The following SGMS2 variants were observed in gnomAD, a reference collection of about 807,000 sequenced individuals.
SGMS2 encodes the protein phosphatidylcholine:ceramide cholinephosphotransferase 2.
Under a neutral mutation model 43.8 loss-of-function variants are expected in SGMS2, and 21 were observed. That is an observed-to-expected ratio of 0.48 (90% CI 0.34 to 0.69). The LOEUF is 0.69. Among genes scored for constraint, SGMS2 ranks in the 30% least tolerant of loss-of-function variants. SGMS2 has a pLI of 0.01. For synonymous variants in SGMS2, 167 were observed against 160.6 expected (o/e 1.04, Z -0.30); for missense variants, 384 against 443.2 (o/e 0.87, Z 1.20).
At chr4:107,881,666 G>C (rs1729364368) in intron 2 of SGMS2, among the ~76,000 whole-genome samples, 2 of 152,070 alleles carry the variant, frequency 1.3e-5, no homozygotes, top group South Asian at 2.1e-4. Context: ...ATTGTTGACT[G>C]TAGTCACCCT....
intron 1 of SGMS2, among the ~76,000 whole-genome samples, chr4:107,857,083 A>T (rs760528321): frequency 6.6e-6 from 1 of 152,166 alleles, no homozygotes; most frequent in Non-Finnish European, 1.5e-5. Flanking sequence ...GGATTTGCCT[A>T]TTCTGCACAT....
chr4:107,889,790 T>C (rs1204030991), intron 2 of SGMS2, among the ~76,000 whole-genome samples: 1 of 152,168 alleles, frequency 6.6e-6, no homozygotes, highest in African/African-American at 2.4e-5. Context: ...TAGCAAAATT[T>C]GCATCATAAG....
intron 1 of SGMS2, among the ~76,000 whole-genome samples, chr4:107,854,764 A>G (rs1398577263): frequency 6.6e-6 from 1 of 152,166 alleles, no homozygotes; most frequent in East Asian, 1.9e-4. Flanking sequence ...TTGTCTTCCT[A>G]CTACAGAAAT....
intron 2 of SGMS2, among the ~76,000 whole-genome samples, chr4:107,859,037 T>G (rs757701327): frequency 6.6e-6 from 1 of 152,238 alleles, no homozygotes; most frequent in Non-Finnish European, 1.5e-5. Flanking sequence ...GCTGTGGCAG[T>G]TATACCCATT....
chr4:107,841,183 A>G (rs1726475641), intron 1 of SGMS2, among the ~76,000 whole-genome samples: 1 of 152,216 alleles, frequency 6.6e-6, no homozygotes, highest in East Asian at 1.9e-4. Flanking sequence ...GGCCATGTGT[A>G]GTTGTTAACC....
At chr4:107,904,521 C>A (rs983942101) in intron 5 of SGMS2, among the ~76,000 whole-genome samples, 2 of 152,154 alleles carry the variant, frequency 1.3e-5, no homozygotes, top group Non-Finnish European at 2.9e-5. Context: ...AGTTGAGGTT[C>A]TCTGTAGTAG....
chr4:107,871,110 A>T (rs1302512524), intron 2 of SGMS2, among the ~76,000 whole-genome samples: 1 of 152,178 alleles, frequency 6.6e-6, no homozygotes, highest in Non-Finnish European at 1.5e-5. Context: ...GTTCACTCCC[A>T]TGGATAGACC....
chr4:107,836,448 T>C (rs1726179307), intron 1 of SGMS2, among the ~76,000 whole-genome samples: 2 of 152,240 alleles, frequency 1.3e-5, no homozygotes, highest in African/African-American at 4.8e-5. Context: ...TGAGGTTGTC[T>C]GTACCTTCGA....
intron 2 of SGMS2, among the ~76,000 whole-genome samples, chr4:107,883,914 A>G (rs1298038268): frequency 6.6e-6 from 1 of 152,204 alleles, no homozygotes; most frequent in East Asian, 1.9e-4. Context: ...CAGTCCTACC[A>G]TGATTTGTCT....
At chr4:107,852,027 A>G (rs1026640702) in intron 1 of SGMS2, among the ~76,000 whole-genome samples, 2 of 151,914 alleles carry the variant, frequency 1.3e-5, no homozygotes, top group Admixed American at 1.3e-4. Flanking sequence ...TACCGTTTTT[A>G]TCCTCGGAGC....
At chr4:107,837,696 G>A (rs571533865) in intron 1 of SGMS2, among the ~76,000 whole-genome samples, 1 of 152,136 alleles carries the variant, frequency 6.6e-6, no homozygotes, top group African/African-American at 2.4e-5. Flanking sequence ...GTAGGAGGGG[G>A]TTAGAGCAGA....
Position 107,895,568 on chromosome 4 carries a change from G to A in SGMS2, c.15G>A (p.Glu5=). 1 of 1,613,438 alleles carries A rather than the reference G, an allele frequency of 6.2e-7. No homozygotes were observed. Among genetic ancestry groups the A allele is most frequent in the Non-Finnish European group, 8.5e-7 (1 of 1,179,648 alleles). The change falls in exon 3 of 7, where the codon GAG becomes GAA. Residue 5 remains glutamate, a synonymous_variant. Coordinates refer to ENST00000690982, the MANE Select transcript of SGMS2 (RefSeq NM_001375905.1). ...ACTAGGGGACAATGGATATCATAGA[G>A]ACAGCAAAACTTGAAGAACATTTGG... The part of the protein sequence containing the change: MDII[E]TAKLEEHLEN...
At position 107,896,131 on chromosome 4, in the gene SGMS2, A is replaced by G. The variant is rs1730652866; in HGVS notation, c.455+123A>G. 9 of 879,810 alleles carry G rather than the reference A, an allele frequency of 1.0e-5. No homozygotes were observed. The South Asian group carries it at 1.6e-4, about 16-fold the overall frequency. 54.5% of individuals were successfully genotyped at this position (879,810 alleles called of 1,614,324 possible). On this transcript the variant is annotated intron_variant, in intron 3 of 6. Coordinates refer to ENST00000690982, the MANE Select transcript of SGMS2 (RefSeq NM_001375905.1). ...TTCAGTCTTACCCAAACATTTGATG[A>G]AAGAAAACAGTAGAAAGCTCTACCA...
intron 1 of SGMS2, among the ~76,000 whole-genome samples, chr4:107,829,919 A>G (rs369896001): frequency 6.6e-6 from 1 of 151,906 alleles, no homozygotes; most frequent in East Asian, 1.9e-4. Flanking sequence ...TTGGGTGTGC[A>G]GGTTTGTTAC....
chr4:107,905,654 G>A (rs1731495030), intron 5 of SGMS2, among the ~76,000 whole-genome samples: 1 of 152,176 alleles, frequency 6.6e-6, no homozygotes, highest in Admixed American at 6.5e-5. Flanking sequence ...TATTCATGTT[G>A]AAGGAGGCTG....
At chr4:107,852,746 A>ATTTT (rs56359938) in intron 1 of SGMS2, among the ~76,000 whole-genome samples, 1 of 146,662 alleles carries the variant, frequency 6.8e-6, no homozygotes, top group African/African-American at 2.5e-5. Flanking sequence ...CTTGTTTCTC[A>ATTTT]TTTTTTTTTT....
At chr4:107,907,022 T>C (rs964191047) in intron 5 of SGMS2, among the ~76,000 whole-genome samples, 1 of 152,146 alleles carries the variant, frequency 6.6e-6, no homozygotes, top group Non-Finnish European at 1.5e-5. Flanking sequence ...TCATTCAATT[T>C]TTAATGTCCT....
At chr4:107,830,829 T>TTGCA (rs1467222694) in intron 1 of SGMS2, among the ~76,000 whole-genome samples, 15 of 152,136 alleles carry the variant, frequency 9.9e-5, no homozygotes, top group African/African-American at 3.4e-4. Context: ...TCAGGAAGAC[T>TTGCA]TGCAGCATTA....
intron 3 of SGMS2, among the ~76,000 whole-genome samples, chr4:107,897,121 C>T (rs1424252559): frequency 1.3e-5 from 2 of 152,122 alleles, no homozygotes; most frequent in African/African-American, 4.8e-5. Flanking sequence ...TGTGGTATAT[C>T]CACTCAGACC....
Sources: allele counts gnomAD v4.1 joint callset (sites outside exome capture counted in the v4.1 genomes callset), GRCh38; gene constraint gnomAD v4.1.1; transcripts MANE v1.5; gene names NCBI Gene and HGNC (gene_info 2026-07-23, HGNC 2026-07-21).